The following PPP1R9A variants were observed in gnomAD, a reference collection of about 807,000 sequenced individuals.
PPP1R9A encodes the protein neurabin-1.
A neutral mutation model predicts 141.9 loss-of-function variants in PPP1R9A; 59 were observed. The ratio of observed to expected loss-of-function variants is 0.42; its 90% CI spans 0.34 to 0.52. PPP1R9A has a LOEUF of 0.52. Among genes scored for constraint, PPP1R9A ranks in the 20% least tolerant of loss-of-function variants. The pLI, the probability that PPP1R9A is intolerant of heterozygous loss-of-function variation, is 0.10. For synonymous variants in PPP1R9A, 500 were observed against 569.7 expected, an observed-to-expected ratio of 0.88 and a Z score of 1.74; for missense variants, 1,444 against 1,611.9, an observed-to-expected ratio of 0.90 and a Z score of 1.78.
intron 2 of PPP1R9A, among the ~76,000 whole-genome samples, chr7:95,097,017 C>T (rs1818126947): frequency 6.6e-6 from 1 of 152,006 alleles, no homozygotes; most frequent in Admixed American, 6.6e-5. Context: ...GTTACAATGA[C>T]AGGTCTGAGA....
chr7:95,032,805 C>T (rs919090700), intron 2 of PPP1R9A, among the ~76,000 whole-genome samples: 17 of 151,946 alleles, frequency 1.1e-4, no homozygotes, highest in South Asian at 4.1e-4. Flanking sequence ...TGTATAATTA[C>T]GAGTAATTAT....
intron 5 of PPP1R9A, among the ~76,000 whole-genome samples, chr7:95,182,066 G>C (rs930735252): frequency 2.6e-5 from 4 of 151,710 alleles, no homozygotes; most frequent in Admixed American, 2.6e-4. Flanking sequence ...CTACAAATAG[G>C]GTGCAGTGTA....
At chr7:95,252,549 C>T (rs1278882709) in intron 12 of PPP1R9A, among the ~76,000 whole-genome samples, 1 of 148,258 alleles carries the variant, frequency 6.7e-6, no homozygotes, top group Non-Finnish European at 1.5e-5. Flanking sequence ...CTCACTACAA[C>T]CTTCGCCTCC....
At chr7:95,086,904 G>T (rs972293715) in intron 2 of PPP1R9A, among the ~76,000 whole-genome samples, 2 of 151,832 alleles carry the variant, frequency 1.3e-5, no homozygotes, top group African/African-American at 4.9e-5. Context: ...AGTTTAGGTC[G>T]GGAGCAAGTG....
intron 5 of PPP1R9A, among the ~76,000 whole-genome samples, chr7:95,189,059 A>G (rs1010444628): frequency 2.0e-5 from 3 of 152,074 alleles, no homozygotes; most frequent in African/African-American, 7.2e-5. Flanking sequence ...GTTTTGCTGG[A>G]TACAGAGTTC....
intron 2 of PPP1R9A, among the ~76,000 whole-genome samples, chr7:95,026,591 C>G (rs1806876045): frequency 6.6e-6 from 1 of 152,182 alleles, no homozygotes; most frequent in Non-Finnish European, 1.5e-5. Context: ...TAGTCTGACC[C>G]TTAGTGGAAC....
chr7:95,250,706 A>C (rs949575073), intron 10 of PPP1R9A, among the ~76,000 whole-genome samples: 2 of 152,140 alleles, frequency 1.3e-5, no homozygotes, highest in African/African-American at 4.8e-5. Context: ...CACTACAGAC[A>C]GTGCACATAT....
At chr7:95,215,167 G>A (rs1246695278) in intron 7 of PPP1R9A, among the ~76,000 whole-genome samples, 1 of 126,740 alleles carries the variant, frequency 7.9e-6, no homozygotes, top group African/African-American at 3.1e-5. Flanking sequence ...TCCCCTTCCT[G>A]TGTCCAAGTG....
intron 8 of PPP1R9A, among the ~76,000 whole-genome samples, chr7:95,235,773 A>G (rs1435013320): frequency 2.0e-5 from 3 of 152,222 alleles, no homozygotes; most frequent in African/African-American, 7.2e-5. Flanking sequence ...AAGTGGATAA[A>G]GAAAATGTGG....
intron 5 of PPP1R9A, among the ~76,000 whole-genome samples, chr7:95,187,406 T>A (rs535194522): frequency 6.6e-6 from 1 of 152,136 alleles, no homozygotes; most frequent in African/African-American, 2.4e-5. Flanking sequence ...TATTTTCTCT[T>A]CTTGGTTAGT....
At chr7:94,975,395 TC>T (rs1799340105) in intron 2 of PPP1R9A, among the ~76,000 whole-genome samples, 1 of 142,018 alleles carries the variant, frequency 7.0e-6, no homozygotes, top group Non-Finnish European at 1.5e-5. Flanking sequence ...AGGATTAAGA[TC>T]CTTGAAGCTA....
chr7:95,111,823 A>T (rs760914311), intron 3 of PPP1R9A, among the ~76,000 whole-genome samples: 1 of 152,148 alleles, frequency 6.6e-6, no homozygotes, highest in African/African-American at 2.4e-5. Context: ...GTAGGGCTAC[A>T]TCCTCTCCCC....
intron 2 of PPP1R9A, among the ~76,000 whole-genome samples, chr7:94,938,807 T>C (rs1283821426): frequency 1.3e-5 from 2 of 152,152 alleles, no homozygotes; most frequent in Non-Finnish European, 2.9e-5. Context: ...CTCCTCTAAG[T>C]TCCTTTTTGG....
intron 4 of PPP1R9A, among the ~76,000 whole-genome samples, chr7:95,160,592 T>A (rs1309676838): frequency 1.3e-5 from 2 of 152,102 alleles, no homozygotes; most frequent in Non-Finnish European, 2.9e-5. Flanking sequence ...TGTGTGAGGC[T>A]GAGGTTTGGG....
intron 2 of PPP1R9A, among the ~76,000 whole-genome samples, chr7:94,930,091 G>A (rs1053550436): frequency 4.6e-5 from 7 of 152,092 alleles, no homozygotes; most frequent in South Asian, 2.1e-4. Flanking sequence ...AAAATACGAG[G>A]GATGAACTCA....
intron 2 of PPP1R9A, among the ~76,000 whole-genome samples, chr7:95,042,465 CA>C (rs1461953728): frequency 1.7e-4 from 26 of 152,134 alleles, no homozygotes; most frequent in Non-Finnish European, 5.9e-5. Context: ...TGCATGAAGG[CA>C]TCTATACCAT....
rs1183103325 is a variant in PPP1R9A at position 95,056,339 on chromosome 7, A to G, written c.1396-54920A>G. On this transcript the variant is annotated intron_variant, in intron 2 of 19. Coordinates refer to ENST00000433360, the MANE Select transcript of PPP1R9A (RefSeq NM_001166160.2). ...GAACAAGTTTATAGACATAGGATTT[A>G]TGTGGTATTCACCCTGCCACCCAAC... 9.8e-5 allele frequency among the ~76,000 whole-genome samples: 15 copies of G among 152,292 alleles called. No homozygotes were observed. The East Asian group carries it at 2.1e-3, about 22-fold the overall frequency.
chr7:95,103,999 A>T (rs1225529750), intron 2 of PPP1R9A, among the ~76,000 whole-genome samples: 1 of 152,214 alleles, frequency 6.6e-6, no homozygotes. Context: ...ACACACTAGG[A>T]TTAGTAAGTT....
chr7:95,185,741 A>G (rs1834552542), intron 5 of PPP1R9A, among the ~76,000 whole-genome samples: 1 of 152,102 alleles, frequency 6.6e-6, no homozygotes, highest in South Asian at 2.1e-4. Context: ...ATTCTTCTAC[A>G]TGTGGCTTTC....
Sources: allele counts gnomAD v4.1 joint callset (sites outside exome capture counted in the v4.1 genomes callset), GRCh38; gene constraint gnomAD v4.1.1; transcripts MANE v1.5; gene names NCBI Gene and HGNC (gene_info 2026-07-23, HGNC 2026-07-21).